Variants in SUCLG2 observed in about 807,000 individuals in gnomAD.
The protein encoded by SUCLG2 is succinate-CoA ligase GDP-forming subunit beta.
SUCLG2 carries 42 observed loss-of-function variants against 47.9 expected under a neutral mutation model. That is an observed-to-expected ratio of 0.88 (90% CI 0.69 to 1.14). The LOEUF (loss-of-function observed/expected upper bound fraction) is 1.14. Ranked by LOEUF, SUCLG2 falls within the 50% of genes most tolerant of loss-of-function variation. SUCLG2 has a pLI of 0.00. For missense variants in SUCLG2, 571 were observed against 525.9 expected (o/e 1.09, Z -0.84); for synonymous variants, 195 against 197.3 (o/e 0.99, Z 0.10).
chr3:67,518,913 T>A (rs1706022970), intron 5 of SUCLG2, among the ~76,000 whole-genome samples: 1 of 152,202 alleles, frequency 6.6e-6, no homozygotes, highest in African/African-American at 2.4e-5. Flanking sequence ...TGTTGGTAAG[T>A]CTGCATATAA....
intron 10 of SUCLG2, among the ~76,000 whole-genome samples, chr3:67,379,819 C>T (rs1021854039): frequency 2.0e-5 from 3 of 152,208 alleles, no homozygotes; most frequent in Non-Finnish European, 4.4e-5. Context: ...CCCCATGCCC[C>T]AACTAAAGCA....
rs1316801167 is a variant in SUCLG2 at position 67,515,648 on chromosome 3, G to A, written c.660+2599C>T. Among the ~76,000 whole-genome samples, 4 of 151,722 alleles carry A rather than the reference G, an allele frequency of 2.6e-5. 1 individual carries two copies. Among genetic ancestry groups the A allele is most frequent in the Admixed American group, 1.3e-4 (2 of 15,192 alleles). The stretch of plus-strand genomic sequence containing the variant: ...GTAACTTAACTTTCAAAGTCACGTT[G>A]AACCTAAGGTACCTCTAAGATACTA... On this transcript the variant is annotated intron_variant, in intron 6 of 10. Transcript: ENST00000307227.
At chr3:67,415,027 A>G (rs1014015006) in intron 9 of SUCLG2, among the ~76,000 whole-genome samples, 134 of 152,164 alleles carry the variant, frequency 8.8e-4, no homozygotes, top group African/African-American at 3.2e-3. Context: ...AATTTTTAAA[A>G]AAGTTTTTGG....
intron 9 of SUCLG2, among the ~76,000 whole-genome samples, chr3:67,467,451 A>T (rs73104342): frequency 0.023 from 3,488 of 152,308 alleles, 51 homozygotes; most frequent in African/African-American, 0.036. Context: ...CACTGCCTTC[A>T]CGTGGAAAAA....
chr3:67,621,093 T>C (rs1014541972), intron 1 of SUCLG2, among the ~76,000 whole-genome samples: 2 of 152,228 alleles, frequency 1.3e-5, no homozygotes, highest in Non-Finnish European at 2.9e-5. Flanking sequence ...TGGACTCTGT[T>C]GCAACTACTC....
intron 2 of SUCLG2, among the ~76,000 whole-genome samples, chr3:67,566,144 T>C (rs1328218324): frequency 6.6e-6 from 1 of 152,226 alleles, no homozygotes; most frequent in Non-Finnish European, 1.5e-5. Context: ...ATCAGGCAGC[T>C]GATGAGCCTT....
At chr3:67,484,720 C>T (rs1302873142) in intron 9 of SUCLG2, among the ~76,000 whole-genome samples, 1 of 152,104 alleles carries the variant, frequency 6.6e-6, no homozygotes, top group African/African-American at 2.4e-5. Flanking sequence ...GCGGTGAGGA[C>T]TGTAAATTGT....
intron 1 of SUCLG2, among the ~76,000 whole-genome samples, chr3:67,612,761 C>T (rs915442406): frequency 6.6e-6 from 1 of 152,236 alleles, no homozygotes; most frequent in Non-Finnish European, 1.5e-5. Context: ...GTTAGAGGCT[C>T]AGTCCCACAG....
At chr3:67,489,133 C>T (rs1362652613) in intron 9 of SUCLG2, among the ~76,000 whole-genome samples, 1 of 152,022 alleles carries the variant, frequency 6.6e-6, no homozygotes, top group Non-Finnish European at 1.5e-5. Context: ...GTGGAAGACA[C>T]AAAACCAAAT....
chr3:67,510,853 G>C (rs1705767626), intron 6 of SUCLG2, among the ~76,000 whole-genome samples: 1 of 150,904 alleles, frequency 6.6e-6, no homozygotes, highest in Non-Finnish European at 1.5e-5. Context: ...AAGGAATGTA[G>C]CCATTTTAAA....
At chr3:67,610,054 C>A (rs1039012394) in intron 1 of SUCLG2, among the ~76,000 whole-genome samples, 1 of 152,172 alleles carries the variant, frequency 6.6e-6, no homozygotes, top group Admixed American at 6.5e-5. Context: ...ATGGCTCCCC[C>A]CTTCTCACCC....
chr3:67,588,368 C>T (rs900080575), intron 2 of SUCLG2, among the ~76,000 whole-genome samples: 5 of 152,196 alleles, frequency 3.3e-5, no homozygotes, highest in Non-Finnish European at 5.9e-5. Flanking sequence ...AATCAGTAAA[C>T]TCCTATCCAT....
At chr3:67,592,395 G>A (rs1708184906) in intron 2 of SUCLG2, among the ~76,000 whole-genome samples, 1 of 152,156 alleles carries the variant, frequency 6.6e-6, no homozygotes, top group Non-Finnish European at 1.5e-5. Flanking sequence ...AGAGAAGGAA[G>A]AAGATCTTAT....
At chr3:67,398,276 C>A (rs1386471965) in intron 10 of SUCLG2, among the ~76,000 whole-genome samples, 1 of 150,604 alleles carries the variant, frequency 6.6e-6, no homozygotes, top group African/African-American at 2.4e-5. Flanking sequence ...ACTCATCTGA[C>A]AAAGGGCTAA....
chr3:67,626,334 A>G (rs1223961969), intron 1 of SUCLG2, among the ~76,000 whole-genome samples: 1 of 151,448 alleles, frequency 6.6e-6, no homozygotes, highest in Non-Finnish European at 1.5e-5. Flanking sequence ...CCCATGGAGC[A>G]GAGCGGGGGC....
intron 9 of SUCLG2, among the ~76,000 whole-genome samples, chr3:67,426,541 C>G (rs1703304879): frequency 6.6e-6 from 1 of 152,122 alleles, no homozygotes; most frequent in African/African-American, 2.4e-5. Flanking sequence ...AACATACTTA[C>G]CATATTCAAG....
Position 67,468,467 on chromosome 3 carries a change from G to A in SUCLG2, c.1062+27331C>T, listed in dbSNP as rs187838755. Among the ~76,000 whole-genome samples the A allele has an allele frequency of 4.6e-3, 699 of 152,284 alleles. 8 individuals are homozygous for A. The highest frequency in any genetic ancestry group is 0.016 in the African/African-American group (659 of 41,552). On this transcript the variant is annotated intron_variant, in intron 9 of 10. Transcript: ENST00000307227. Reference sequence around the variant, plus strand: ...CAGAAGATGGCAGAAATGGCACACTGTCAGTCCTGGCCTGGAAGTTTCCAT... The same window carrying A: ...CAGAAGATGGCAGAAATGGCACACTATCAGTCCTGGCCTGGAAGTTTCCAT...
intron 10 of SUCLG2, among the ~76,000 whole-genome samples, chr3:67,397,258 G>C (rs146244193): frequency 0.017 from 2,612 of 152,174 alleles, 59 homozygotes; most frequent in East Asian, 0.1. Flanking sequence ...TGACATGACT[G>C]TATATCTAGA....
chr3:67,653,258 C>T (rs1406538630), intron 1 of SUCLG2, among the ~76,000 whole-genome samples: 3 of 152,202 alleles, frequency 2.0e-5, no homozygotes, highest in Non-Finnish European at 2.9e-5. Flanking sequence ...AGGACTTCAT[C>T]TCCTAGAGCT....
Sources: gnomAD v4.1 joint callset for allele counts (sites outside exome capture counted in the v4.1 genomes callset) on GRCh38, gnomAD v4.1.1 for gene constraint, MANE v1.5 for transcripts, NCBI Gene and HGNC (gene_info 2026-07-23, HGNC 2026-07-21) for gene names.